EGFR: variants seen among roughly 807,000 people sequenced by gnomAD.
EGFR encodes avian erythroblastic leukemia viral (v-erb-b) oncogene homolog.
EGFR carries 58 observed loss-of-function variants against 143.0 expected under a neutral mutation model. The observed-to-expected ratio is 0.41, with a 90% confidence interval of 0.33 to 0.50. The LOEUF (loss-of-function observed/expected upper bound fraction) is 0.50. Among genes scored for constraint, EGFR ranks in the 20% least tolerant of loss-of-function variants. EGFR has a pLI of 0.39. For synonymous variants in EGFR, 613 were observed against 594.4 expected (o/e 1.03, Z -0.45); for missense variants, 1,307 against 1,579.0 (o/e 0.83, Z 2.92).
rs1252514721 is a variant in EGFR, at chr7:55,206,851, CAG to C, written c.*1235_*1236del. On this transcript the variant is annotated 3_prime_UTR_variant, in exon 28 of 28. Coordinates refer to ENST00000275493, the MANE Select transcript of EGFR (RefSeq NM_005228.5). ...CAAGCACTTACAGCTCTGGCCACAA[CAG>C]GGCATTTTACAGGTGCGAATGACAG... The C allele has an allele frequency of 8.6e-6, 2 of 233,148 alleles. No homozygotes were observed. Among genetic ancestry groups the C allele is most frequent in the African/African-American group, 4.4e-5 (2 of 45,324 alleles). The allele number at this position is 233,148 out of a possible 1,614,324, so 14.4% of individuals were successfully genotyped here. A position where few individuals can be genotyped will look rare whatever the true frequency, so the allele number is the denominator to read the frequency against.
At chr7:55,073,199 G>A (rs569524081) in intron 1 of EGFR, among the ~76,000 whole-genome samples, 4 of 152,286 alleles carry the variant, frequency 2.6e-5, no homozygotes, top group South Asian at 2.1e-4. Context: ...ACTATGTGCC[G>A]GATCAAGGAA....
chr7:55,026,748 A>G (rs979762893), intron 1 of EGFR, among the ~76,000 whole-genome samples: 1 of 152,174 alleles, frequency 6.6e-6, no homozygotes, highest in Admixed American at 6.5e-5. Flanking sequence ...CAAAATTCTG[A>G]TAATCTCCCT....
At chr7:55,193,451 C>T (rs1424524505) in intron 22 of EGFR, among the ~76,000 whole-genome samples, 1 of 152,168 alleles carries the variant, frequency 6.6e-6, no homozygotes, top group African/African-American at 2.4e-5. Context: ...GAGGGCCGCT[C>T]TCCTCACCCG....
rs1030537650 is a variant in EGFR at position 55,051,502 on chromosome 7, G to A, written c.88+32137G>A. On this transcript the variant is annotated intron_variant, in intron 1 of 27. Coordinates refer to ENST00000275493, the MANE Select transcript of EGFR (RefSeq NM_005228.5). ...CTCTCTTGCTTTTCTGCCTTCTGCC[G>A]TGGGGTGACACAGCAAGAAGACCCT... Among the ~76,000 whole-genome samples, 42 of 136,746 alleles carry A rather than the reference G, an allele frequency of 3.1e-4. 1 individual carries two copies. The highest frequency in any genetic ancestry group is 2.7e-4 in the South Asian group (1 of 3,742). 89.7% of individuals were successfully genotyped at this position (136,746 alleles called of 152,430 possible).
At chr7:55,074,244 G>A (rs1208793213) in intron 1 of EGFR, among the ~76,000 whole-genome samples, 6 of 152,190 alleles carry the variant, frequency 3.9e-5, no homozygotes, top group African/African-American at 9.7e-5. Context: ...TCTCGGGTTC[G>A]ACCATGAGTC....
chr7:55,208,096 T>C lies in EGFR; in HGVS notation c.*2479T>C, dbSNP rs1023565757. On this transcript the variant is annotated 3_prime_UTR_variant, in exon 28 of 28. Transcript: ENST00000275493. ...GCAAAAGCTATTCTAGCTTTCTTCT[T>C]CATATTTTAATTTTCCACCATAAAG... 1.3e-5 allele frequency: 2 copies of C among 152,034 alleles called. No homozygotes were observed. Among genetic ancestry groups the C allele is most frequent in the Non-Finnish European group, 2.9e-5 (2 of 68,038 alleles). 9.4% of individuals were successfully genotyped at this position (152,034 alleles called of 1,614,324 possible).
At chr7:55,127,875 C>T (rs1226345029) in intron 1 of EGFR, among the ~76,000 whole-genome samples, 1 of 152,176 alleles carries the variant, frequency 6.6e-6, no homozygotes. Context: ...TTCACCAGGC[C>T]CCGCTCTCAG....
rs1788130458 is a variant in EGFR at position 55,207,228 on chromosome 7, G to A, written c.*1611G>A. ...CACACACATACAAAATGTTCCTTTT[G>A]CTTTTAAAGTAATTTTTGACTCCCA... is the stretch of plus-strand genomic sequence containing the variant. On this transcript the variant is annotated 3_prime_UTR_variant, in exon 28 of 28. Transcript: ENST00000275493. The A allele has an allele frequency of 1.3e-5, 3 of 232,762 alleles. No individual in the cohort carries two copies. The Admixed American group carries it at 1.7e-4, about 13-fold the overall frequency. The allele number at this position is 232,762 out of a possible 1,614,324, so 14.4% of individuals were successfully genotyped here.
At position 55,151,320 on chromosome 7, in the gene EGFR, A is replaced by G. The variant is rs1785139258; in HGVS notation, c.586A>G (p.Asn196Asp). 1 of 1,614,106 alleles carries G rather than the reference A, an allele frequency of 6.2e-7. No homozygotes were observed. Among genetic ancestry groups the G allele is most frequent in the Admixed American group, 1.7e-5 (1 of 60,002 alleles). The change falls in exon 5 of 28, where the codon AAT becomes GAT. Residue 196 changes from asparagine (N) to aspartate (D), a missense_variant. Physicochemically the swap from Asn to Asp is conservative, Grantham distance 23 (BLOSUM62 1). Around this residue, in one of 7 missense-constraint regions of EGFR, gnomAD observed 311 missense variants for 412.3 expected, o/e 0.75. Coordinates refer to ENST00000275493, the MANE Select transcript of EGFR (RefSeq NM_005228.5). ...CCAAAAGTGTGATCCAAGCTGTCCC[A>G]ATGGGAGCTGCTGGGGTGCAGGAGA... Reference protein sequence around the residue: ...SCQKCDPSCPNGSCWGAGEEN... With the variant: ...SCQKCDPSCPDGSCWGAGEEN...
chr7:55,054,983 G>A (rs551064599), intron 1 of EGFR, among the ~76,000 whole-genome samples: 1 of 152,286 alleles, frequency 6.6e-6, no homozygotes, highest in South Asian at 2.1e-4. Context: ...CCCTTCACTG[G>A]GGAGCTGCCC....
At chr7:55,109,776 T>C (rs1792353937) in intron 1 of EGFR, 2 of 985,442 alleles carry the variant, frequency 2.0e-6, no homozygotes, top group South Asian at 4.7e-5. Flanking sequence ...AGGGCCTGTC[T>C]GGTGTTTCAG....
chr7:55,039,114 G>A (rs1461112957), intron 1 of EGFR, among the ~76,000 whole-genome samples: 6 of 152,082 alleles, frequency 3.9e-5, no homozygotes, highest in African/African-American at 1.4e-4. Flanking sequence ...TTGGTGAAAA[G>A]GGCCCATGCG....
chr7:55,121,776 GA>G (rs1200336832), intron 1 of EGFR, among the ~76,000 whole-genome samples: 1 of 152,166 alleles, frequency 6.6e-6, no homozygotes, highest in East Asian at 1.9e-4. Flanking sequence ...TACTAGAATC[GA>G]AAAGCATTTA....
intron 14 of EGFR, among the ~76,000 whole-genome samples, chr7:55,164,804 G>A (rs1442358503): frequency 6.6e-6 from 1 of 152,206 alleles, no homozygotes; most frequent in Non-Finnish European, 1.5e-5. Flanking sequence ...GGTAGCGTAT[G>A]ACTCAGTCCT....
chr7:55,132,890 C>T (rs937075264), intron 1 of EGFR, among the ~76,000 whole-genome samples: 1 of 152,210 alleles, frequency 6.6e-6, no homozygotes, highest in African/African-American at 2.4e-5. Flanking sequence ...GCCTGGTGTG[C>T]ATCTCAGAGC....
At chr7:55,183,199 A>G (rs1229222114) in intron 20 of EGFR, among the ~76,000 whole-genome samples, 1 of 152,070 alleles carries the variant, frequency 6.6e-6, no homozygotes, top group Non-Finnish European at 1.5e-5. Context: ...CTTTCTCTTA[A>G]TAAAGATACC....
At chr7:55,165,207 G>A (rs1432332698) in intron 14 of EGFR, 73 bp from the exon 15 acceptor site, 9 of 1,608,402 alleles carry the variant, frequency 5.6e-6, no homozygotes, top group Non-Finnish European at 6.8e-6. Context: ...AATATTTTAA[G>A]TAAAAAGTTA....
chr7:55,098,480 T>C (rs1791610177), intron 1 of EGFR, among the ~76,000 whole-genome samples: 1 of 152,198 alleles, frequency 6.6e-6, no homozygotes, highest in Non-Finnish European at 1.5e-5. Flanking sequence ...AAAACTTTAC[T>C]ATATGTTGTT....
chr7:55,091,847 A>AACACACACAC (rs71014681), intron 1 of EGFR, among the ~76,000 whole-genome samples: 3,065 of 132,104 alleles, frequency 0.023, 43 homozygotes, highest in Non-Finnish European at 0.033. Flanking sequence ...ACCCACTGTA[A>AACACACACAC]ACACACACAC....
Sources: gnomAD v4.1 joint callset for allele counts (sites outside exome capture counted in the v4.1 genomes callset) on GRCh38, gnomAD v4.1.1 for gene constraint, gnomAD v4.1.1 regional missense constraint, MANE v1.5 for transcripts, NCBI Gene and HGNC (gene_info 2026-07-23, HGNC 2026-07-21) for gene names.